PABPC4L: variants seen among roughly 807,000 people sequenced by gnomAD.
PABPC4L encodes the protein poly(A) binding protein cytoplasmic 4 like.
For synonymous variants in PABPC4L, 169 were observed against 164.1 expected (o/e 1.03, Z -0.23); for missense variants, 452 against 451.4 (o/e 1.00, Z -0.01).
chr4:134,030,706 T>A, the PABPC4L span, among the ~76,000 whole-genome samples: 1 of 152,132 alleles, frequency 6.6e-6, no homozygotes, highest in Admixed American at 6.6e-5. Context: ...TCTTCCTACG[T>A]ATTCTCAGTG....
chr4:134,012,775 G>A, the PABPC4L span, among the ~76,000 whole-genome samples: 6 of 152,006 alleles, frequency 3.9e-5, no homozygotes, highest in Non-Finnish European at 7.4e-5. Flanking sequence ...TCCGGTAAGC[G>A]GCCTCTTTTT....
the PABPC4L span, among the ~76,000 whole-genome samples, chr4:133,967,672 G>A: frequency 6.6e-6 from 1 of 152,182 alleles, no homozygotes; most frequent in East Asian, 1.9e-4. Context: ...CAATGAGGCG[G>A]CAGCATCTCT....
the PABPC4L span, among the ~76,000 whole-genome samples, chr4:133,992,270 T>C: frequency 6.6e-6 from 1 of 152,192 alleles, no homozygotes; most frequent in Non-Finnish European, 1.5e-5. Context: ...TCCCCTGTGG[T>C]AGACCTCTCA....
chr4:134,077,898 T>C, the PABPC4L span, among the ~76,000 whole-genome samples: 6 of 152,136 alleles, frequency 3.9e-5, no homozygotes, highest in East Asian at 1.2e-3. Context: ...TATCTTTAAC[T>C]AAATTACATA....
the PABPC4L span, among the ~76,000 whole-genome samples, chr4:134,142,084 T>A: frequency 5.9e-5 from 9 of 151,644 alleles, no homozygotes; most frequent in Admixed American, 5.9e-4. Flanking sequence ...AATAGTGAGA[T>A]GTAAATGAGA....
At chr4:134,154,770 T>C in the PABPC4L span, among the ~76,000 whole-genome samples, 3 of 151,768 alleles carry the variant, frequency 2.0e-5, no homozygotes, top group Admixed American at 6.6e-5. Context: ...TTTTTAATTT[T>C]TAAAATTTTT....
chr4:133,986,514 A>C, the PABPC4L span, among the ~76,000 whole-genome samples: 15 of 152,156 alleles, frequency 9.9e-5, no homozygotes, highest in Non-Finnish European at 1.9e-4. Context: ...AAGAGAAATA[A>C]AATGCTTTGA....
At chr4:134,062,848 G>A in the PABPC4L span, among the ~76,000 whole-genome samples, 1 of 151,934 alleles carries the variant, frequency 6.6e-6, no homozygotes, top group Non-Finnish European at 1.5e-5. Flanking sequence ...GGAAAACCTG[G>A]ATCATTCTAC....
At chr4:134,141,200 C>A in the PABPC4L span, among the ~76,000 whole-genome samples, 2 of 151,524 alleles carry the variant, frequency 1.3e-5, no homozygotes, top group Non-Finnish European at 3.0e-5. Flanking sequence ...TGTAGATAGT[C>A]CAAGTCATGC....
the PABPC4L span, among the ~76,000 whole-genome samples, chr4:134,038,633 T>C: frequency 4.5e-4 from 69 of 152,262 alleles, no homozygotes; most frequent in Admixed American, 4.0e-3. Flanking sequence ...TATTTTCTGA[T>C]GGTAGTTTGT....
At chr4:134,136,179 C>T in the PABPC4L span, among the ~76,000 whole-genome samples, 1 of 152,186 alleles carries the variant, frequency 6.6e-6, no homozygotes, top group Non-Finnish European at 1.5e-5. Context: ...AATCTTTTAT[C>T]TGAATAGATG....
At chr4:134,185,856 A>T in the PABPC4L span, among the ~76,000 whole-genome samples, 13 of 152,140 alleles carry the variant, frequency 8.5e-5, no homozygotes, top group Admixed American at 1.3e-4. Flanking sequence ...TACAAAACCA[A>T]TGTGCAAAAA....
At chr4:133,973,782 G>A in the PABPC4L span, among the ~76,000 whole-genome samples, 5 of 152,162 alleles carry the variant, frequency 3.3e-5, no homozygotes, top group Admixed American at 1.3e-4. Flanking sequence ...AAAACAGTCA[G>A]CTGCCATTGT....
At chr4:134,123,496 C>T in the PABPC4L span, among the ~76,000 whole-genome samples, 1 of 151,984 alleles carries the variant, frequency 6.6e-6, no homozygotes. Flanking sequence ...CACATGTCTG[C>T]AAACAACTGT....
chr4:134,051,047 T>C, the PABPC4L span, among the ~76,000 whole-genome samples: 1 of 152,256 alleles, frequency 6.6e-6, no homozygotes, highest in South Asian at 2.1e-4. Flanking sequence ...GTAACAAAAT[T>C]AAGTCTCTAA....
the PABPC4L span, among the ~76,000 whole-genome samples, chr4:134,180,768 T>G: frequency 6.6e-6 from 1 of 151,784 alleles, no homozygotes; most frequent in African/African-American, 2.4e-5. Context: ...GTACACAAGC[T>G]AGAAAATTTA....
chr4:134,013,750 C>A, the PABPC4L span, among the ~76,000 whole-genome samples: 2 of 152,036 alleles, frequency 1.3e-5, no homozygotes, highest in African/African-American at 4.8e-5. Context: ...CCCACCTGTC[C>A]CCTCAGTCCC....
At chr4:134,089,130 T>G in the PABPC4L span, among the ~76,000 whole-genome samples, 1 of 152,272 alleles carries the variant, frequency 6.6e-6, no homozygotes, top group African/African-American at 2.4e-5. Context: ...ATTGAAAGAA[T>G]ATTTTATTGC....
At chr4:133,984,326 T>C in the PABPC4L span, among the ~76,000 whole-genome samples, 2 of 151,826 alleles carry the variant, frequency 1.3e-5, no homozygotes, top group Non-Finnish European at 3.0e-5. Flanking sequence ...TGGGATGAGA[T>C]GCATAATTTT....
Sources: gnomAD v4.1 joint callset for allele counts (sites outside exome capture counted in the v4.1 genomes callset) on GRCh38, gnomAD v4.1.1 for gene constraint, MANE v1.5 for transcripts, NCBI Gene and HGNC (gene_info 2026-07-23, HGNC 2026-07-21) for gene names.